Variants in TINAG observed in about 807,000 individuals in gnomAD.
TINAG encodes tubulointerstitial nephritis antigen.
TINAG carries 83 observed loss-of-function variants against 72.7 expected under a neutral mutation model. The observed-to-expected ratio is 1.14, with a 90% CI of 0.96 to 1.37. The LOEUF is 1.37. Among genes scored for constraint, TINAG ranks in the 40% most tolerant of loss-of-function variants. TINAG has a pLI of 0.00. For missense variants in TINAG, 685 were observed against 576.6 expected (o/e 1.19, Z -1.93); for synonymous variants, 234 against 189.9 (o/e 1.23, Z -1.91).
intron 9 of TINAG, among the ~76,000 whole-genome samples, chr6:54,355,918 T>C (rs1763025463): frequency 6.6e-6 from 1 of 151,760 alleles, no homozygotes; most frequent in South Asian, 2.1e-4. Context: ...AACAAGATAG[T>C]GCAGTACTTC....
At chr6:54,360,841 G>GTTTTTTCTTTTTTTTTTT (rs1763205947) in intron 9 of TINAG, among the ~76,000 whole-genome samples, 1 of 26,242 alleles carries the variant, frequency 3.8e-5, no homozygotes, top group African/African-American at 1.0e-4. Context: ...CAGATACTGT[G>GTTTTTTCTTTTTTTTTTT]TTTTTTTTTT....
intron 1 of TINAG, 137 bp from the exon 2 acceptor site, chr6:54,320,442 G>A (rs1784464315): frequency 3.4e-6 from 2 of 596,964 alleles, no homozygotes; most frequent in African/African-American, 3.7e-5. Context: ...AACCTGACAT[G>A]GATTTCTATC....
chr6:54,360,136 G>A (rs1017958373), intron 9 of TINAG, among the ~76,000 whole-genome samples: 2 of 151,664 alleles, frequency 1.3e-5, no homozygotes, highest in Non-Finnish European at 3.0e-5. Flanking sequence ...CTAGCATAAG[G>A]TGATAAAGGC....
At chr6:54,384,813 G>GA (rs34350198) in intron 10 of TINAG, among the ~76,000 whole-genome samples, 2 of 151,970 alleles carry the variant, frequency 1.3e-5, no homozygotes, top group Non-Finnish European at 2.9e-5. Context: ...ATGAAAGATT[G>GA]AAAAAAACTA....
chr6:54,310,600 T>C (rs1784221974), intron 1 of TINAG, among the ~76,000 whole-genome samples: 1 of 147,106 alleles, frequency 6.8e-6, no homozygotes, highest in Non-Finnish European at 1.5e-5. Context: ...CTTTCTTTTC[T>C]TTCTCTCTCT....
intron 9 of TINAG, among the ~76,000 whole-genome samples, chr6:54,361,818 A>T (rs1763246024): frequency 6.6e-6 from 1 of 151,736 alleles, no homozygotes; most frequent in Non-Finnish European, 1.5e-5. Context: ...AAATATACAA[A>T]TATTAAGAAA....
chr6:54,317,466 G>T (rs928920426), intron 1 of TINAG, among the ~76,000 whole-genome samples: 9 of 152,124 alleles, frequency 5.9e-5, no homozygotes, highest in Admixed American at 5.9e-4. Context: ...TTATAAATGG[G>T]AGTTGCCCTG....
chr6:54,357,788 A>G (rs961090234), intron 9 of TINAG, among the ~76,000 whole-genome samples: 1 of 151,934 alleles, frequency 6.6e-6, no homozygotes, highest in Non-Finnish European at 1.5e-5. Context: ...ATTTTACTGC[A>G]TTGATCTTCG....
At chr6:54,319,056 TACTC>T (rs1244028636) in intron 1 of TINAG, among the ~76,000 whole-genome samples, 2 of 152,098 alleles carry the variant, frequency 1.3e-5, no homozygotes, top group East Asian at 3.9e-4. Context: ...AGTCAGCTAA[TACTC>T]AGCTGAGTAT....
intron 4 of TINAG, among the ~76,000 whole-genome samples, chr6:54,339,746 T>A (rs1023730114): frequency 2.6e-5 from 4 of 152,206 alleles, no homozygotes; most frequent in African/African-American, 9.6e-5. Context: ...ATTAGCCTTT[T>A]CATCCCCAGT....
intron 1 of TINAG, among the ~76,000 whole-genome samples, chr6:54,310,527 TTC>T (rs1324352817): frequency 2.7e-5 from 4 of 149,886 alleles, no homozygotes; most frequent in Non-Finnish European, 4.5e-5. Flanking sequence ...TTTTCTTTCT[TTC>T]TCTCTCTGTC....
rs1785215108 is a variant in TINAG at position 54,349,723 on chromosome 6, T to C, written c.907T>C (p.Ser303Pro). 2 of 1,565,026 alleles carry C rather than the reference T, an allele frequency of 1.3e-6. No homozygotes were observed. Among genetic ancestry groups the C allele is most frequent in the African/African-American group, 1.4e-5 (1 of 73,486 alleles). ...WWYLRKRGLVSHACYPLFKDQ... is the reference protein window; with the variant it reads ...WWYLRKRGLVPHACYPLFKDQ... Reference sequence around the variant, plus strand: ...TTTGCTTATTCCTCATAGACTGGTATCCCACGCATGCTACCCACTTTTCAA... The same window carrying C: ...TTTGCTTATTCCTCATAGACTGGTACCCCACGCATGCTACCCACTTTTCAA... Residue 303 changes from serine to proline, a missense_variant, in exon 7 of 11, where the codon TCC (serine) becomes CCC (proline). By Grantham distance (74) the Ser-to-Pro change is moderately conservative (BLOSUM62 -1). Transcript: ENST00000259782.
chr6:54,362,680 T>C (rs1763275549), intron 9 of TINAG, among the ~76,000 whole-genome samples: 1 of 151,588 alleles, frequency 6.6e-6, no homozygotes, highest in Admixed American at 6.6e-5. Context: ...ATACCTGCCA[T>C]AGATAATTAT....
intron 10 of TINAG, among the ~76,000 whole-genome samples, chr6:54,381,381 A>G (rs1763944949): frequency 6.6e-6 from 1 of 151,772 alleles, no homozygotes; most frequent in South Asian, 2.1e-4. Flanking sequence ...GATAGAATAA[A>G]GTCTATGTGG....
chr6:54,325,188 T>C (rs961061195), intron 3 of TINAG, among the ~76,000 whole-genome samples: 6 of 152,252 alleles, frequency 3.9e-5, no homozygotes, highest in Non-Finnish European at 7.3e-5. Context: ...ACTCCTTCAG[T>C]TGTGTTTGAA....
intron 4 of TINAG, among the ~76,000 whole-genome samples, chr6:54,332,751 G>A (rs146189336): frequency 0.014 from 2,187 of 152,154 alleles, 57 homozygotes; most frequent in African/African-American, 0.05. Flanking sequence ...GAATCTACTA[G>A]GAACTTAAAC....
At position 54,389,847 on chromosome 6, in the gene TINAG, T is replaced by C. The variant is rs1285328041; in HGVS notation, c.1353T>C (p.Leu451=). The C allele has an allele frequency of 3.1e-6, 5 of 1,609,700 alleles. No homozygotes were observed. The East Asian group carries it at 1.1e-4, about 36-fold the overall frequency. The change falls in exon 11 of 11, where the codon CTT becomes CTC. Residue 451 remains leucine, a synonymous_variant. Transcript: ENST00000259782. ...SWGENGYFRI[L]RGVNESDIEK... is the part of the protein sequence containing the mutation. ...GAGAGAATGGCTATTTCAGGATTCT[T>C]CGAGGAGTAAATGAGTCCGACATTG...
chr6:54,346,722 T>C (rs565161783), intron 5 of TINAG, among the ~76,000 whole-genome samples: 7 of 152,056 alleles, frequency 4.6e-5, no homozygotes, highest in Middle Eastern at 3.4e-3. Flanking sequence ...ATTAAGATAA[T>C]AATTTTCATT....
At chr6:54,325,434 T>C (rs781084850) in intron 3 of TINAG, among the ~76,000 whole-genome samples, 2 of 152,200 alleles carry the variant, frequency 1.3e-5, no homozygotes, top group African/African-American at 2.4e-5. Flanking sequence ...AGGTTAGTCA[T>C]ACCTTTCACA....
Sources: allele counts gnomAD v4.1 joint callset (sites outside exome capture counted in the v4.1 genomes callset), GRCh38; gene constraint gnomAD v4.1.1; transcripts MANE v1.5; gene names NCBI Gene and HGNC (gene_info 2026-07-23, HGNC 2026-07-21).